ARHGAP15: variants seen among roughly 807,000 people sequenced by gnomAD.
The protein encoded by ARHGAP15 is rho GTPase-activating protein 15.
A neutral mutation model predicts 63.7 loss-of-function variants in ARHGAP15; 51 were observed. The observed-to-expected ratio is 0.80, with a 90% CI of 0.64 to 1.01. ARHGAP15 has a LOEUF of 1.01. Among genes scored for constraint, ARHGAP15 ranks in the 50% least tolerant of loss-of-function variants. ARHGAP15 has a pLI of 0.00. For missense variants in ARHGAP15, 560 were observed against 564.6 expected, an observed-to-expected ratio of 0.99 and a Z score of 0.08; for synonymous variants, 191 against 193.8, an observed-to-expected ratio of 0.99 and a Z score of 0.12.
intron 13 of ARHGAP15, among the ~76,000 whole-genome samples, chr2:143,763,752 ATGTATG>A (rs1462548226): frequency 8.1e-4 from 119 of 147,372 alleles, no homozygotes; most frequent in Non-Finnish European, 1.6e-3. Context: ...GTATATGTAT[ATGTATG>A]TATATAAATA....
intron 9 of ARHGAP15, among the ~76,000 whole-genome samples, chr2:143,513,957 T>C (rs35185457): frequency 0.48 from 72,619 of 152,060 alleles, 17,723 homozygotes; most frequent in East Asian, 0.78. Flanking sequence ...TTCTGTAAAA[T>C]GAAGATGATG....
intron 9 of ARHGAP15, among the ~76,000 whole-genome samples, chr2:143,512,692 G>T (rs1214858513): frequency 6.6e-6 from 1 of 152,224 alleles, no homozygotes; most frequent in African/African-American, 2.4e-5. Context: ...ATTAAAATGG[G>T]TGGGAGGGGA....
chr2:143,655,551 C>T (rs1417845438), intron 12 of ARHGAP15, among the ~76,000 whole-genome samples: 1 of 152,102 alleles, frequency 6.6e-6, no homozygotes, highest in Non-Finnish European at 1.5e-5. Context: ...TGAAGCCTGG[C>T]ACTGTTAAAT....
chr2:143,475,287 A>T (rs1003186219), intron 8 of ARHGAP15, among the ~76,000 whole-genome samples: 6 of 152,060 alleles, frequency 3.9e-5, no homozygotes, highest in African/African-American at 1.4e-4. Context: ...AGGACAAACC[A>T]CCCCACTATC....
intron 5 of ARHGAP15, among the ~76,000 whole-genome samples, chr2:143,235,046 T>C (rs750738923): frequency 6.6e-6 from 1 of 152,184 alleles, no homozygotes; most frequent in Non-Finnish European, 1.5e-5. Context: ...ATGCATTTGG[T>C]TAATCAAGTT....
intron 2 of ARHGAP15, among the ~76,000 whole-genome samples, chr2:143,186,509 A>G (rs6749607): frequency 0.17 from 25,634 of 152,158 alleles, 2,347 homozygotes; most frequent in Middle Eastern, 0.24. Flanking sequence ...TTAGTTCTCC[A>G]TTCCTCATCT....
In ARHGAP15 at chr2:143,180,124, A is replaced by C. The variant is rs142850675; in HGVS notation, c.166-22010A>C. Among the ~76,000 whole-genome samples the C allele has an allele frequency of 8.5e-5, 13 of 152,276 alleles. No homozygotes were observed. In the East Asian group the frequency reaches 2.3e-3, roughly 27 times the overall value. ...ACATTGGTTGCCTCTTTCTTTTGTG[A>C]AAGATTTCTCTGTAGCATGTGTTGC... On this transcript the variant is annotated intron_variant, in intron 2 of 13. Coordinates refer to ENST00000295095, the MANE Select transcript of ARHGAP15 (RefSeq NM_018460.4).
chr2:143,252,115 C>G (rs1680183466), intron 6 of ARHGAP15, among the ~76,000 whole-genome samples: 1 of 152,004 alleles, frequency 6.6e-6, no homozygotes, highest in African/African-American at 2.4e-5. Context: ...TGGACAATAG[C>G]AATTCTTTGG....
intron 13 of ARHGAP15, among the ~76,000 whole-genome samples, chr2:143,718,694 A>G (rs1396088530): frequency 6.6e-6 from 1 of 152,092 alleles, no homozygotes; most frequent in East Asian, 1.9e-4. Context: ...AATATTCATC[A>G]TCCTCTGCAG....
At chr2:143,239,724 C>T (rs1693787240) in intron 5 of ARHGAP15, among the ~76,000 whole-genome samples, 1 of 152,094 alleles carries the variant, frequency 6.6e-6, no homozygotes, top group Non-Finnish European at 1.5e-5. Context: ...GGTGCAGTGG[C>T]CCATGCCTAG....
chr2:143,366,476 T>C (rs1323605279), intron 6 of ARHGAP15, among the ~76,000 whole-genome samples: 1 of 152,054 alleles, frequency 6.6e-6, no homozygotes, highest in Non-Finnish European at 1.5e-5. Flanking sequence ...AGAATAATAA[T>C]TTGCACATTT....
intron 2 of ARHGAP15, among the ~76,000 whole-genome samples, chr2:143,197,488 A>G (rs1482539843): frequency 1.3e-5 from 2 of 151,960 alleles, no homozygotes; most frequent in Non-Finnish European, 2.9e-5. Context: ...GGTTGACCCA[A>G]GTTTTCTTTA....
At chr2:143,506,951 A>AT (rs553121973) in intron 9 of ARHGAP15, among the ~76,000 whole-genome samples, 265 of 152,202 alleles carry the variant, frequency 1.7e-3, no homozygotes, top group Non-Finnish European at 2.6e-3. Flanking sequence ...TCTTTTGTAA[A>AT]TTTTTCTCAT....
At chr2:143,258,659 C>CAATGA (rs1156728225) in intron 6 of ARHGAP15, among the ~76,000 whole-genome samples, 2 of 152,038 alleles carry the variant, frequency 1.3e-5, no homozygotes, top group African/African-American at 4.8e-5. Flanking sequence ...CTAAGTGAAA[C>CAATGA]AATGAAATGA....
chr2:143,511,373 T>G (rs1330577705), intron 9 of ARHGAP15, among the ~76,000 whole-genome samples: 1 of 152,158 alleles, frequency 6.6e-6, no homozygotes, highest in African/African-American at 2.4e-5. Context: ...GGGATGAAGA[T>G]AGAATGATCA....
intron 8 of ARHGAP15, among the ~76,000 whole-genome samples, chr2:143,479,929 A>G (rs1305723935): frequency 6.6e-6 from 1 of 152,096 alleles, no homozygotes; most frequent in Non-Finnish European, 1.5e-5. Flanking sequence ...ATAAATCTAT[A>G]GTGGAAGGGA....
chr2:143,501,536 C>A (rs553363646), intron 9 of ARHGAP15, among the ~76,000 whole-genome samples: 2 of 152,062 alleles, frequency 1.3e-5, no homozygotes, highest in Admixed American at 6.6e-5. Context: ...CGAGGTTAGA[C>A]CCTCACTTCA....
intron 6 of ARHGAP15, among the ~76,000 whole-genome samples, chr2:143,267,510 T>A (rs561293732): frequency 1.3e-5 from 2 of 152,292 alleles, no homozygotes; most frequent in South Asian, 4.1e-4. Context: ...GGCAGATGCA[T>A]AAATTATAGG....
chr2:143,526,134 TTTA>T (rs1286934037), intron 10 of ARHGAP15, among the ~76,000 whole-genome samples: 1 of 151,516 alleles, frequency 6.6e-6, no homozygotes, highest in Non-Finnish European at 1.5e-5. Context: ...AATTCACATA[TTTA>T]TTAGTGACAT....
Sources: gnomAD v4.1 joint callset for allele counts (sites outside exome capture counted in the v4.1 genomes callset) on GRCh38, gnomAD v4.1.1 for gene constraint, MANE v1.5 for transcripts, NCBI Gene and HGNC (gene_info 2026-07-23, HGNC 2026-07-21) for gene names.